Variants in FAM107B observed in about 807,000 individuals in gnomAD.
FAM107B encodes the protein family with sequence similarity 107 member B.
In FAM107B, 21 loss-of-function variants were observed where a neutral mutation model predicts 31.5. The ratio of observed to expected loss-of-function variants is 0.67; its 90% CI spans 0.47 to 0.96. The LOEUF is 0.96. Ranked by LOEUF, FAM107B falls within the 40% of genes least tolerant of loss-of-function variation. The probability of loss-of-function intolerance (pLI) is 0.00; values close to 1 mark genes in which losing one functional copy is unlikely to be tolerated. For synonymous variants in FAM107B, 157 were observed against 141.5 expected, an observed-to-expected ratio of 1.11 and a Z score of -0.78; for missense variants, 452 against 377.1, an observed-to-expected ratio of 1.20 and a Z score of -1.64.
intron 2 of FAM107B, among the ~76,000 whole-genome samples, chr10:14,651,430 A>AC (rs1182201900): frequency 6.6e-6 from 1 of 151,958 alleles, no homozygotes; most frequent in Non-Finnish European, 1.5e-5. Flanking sequence ...ACATGGAGAG[A>AC]CCCCGTCACT....
chr10:14,653,026 G>A (rs1245758365), intron 2 of FAM107B, among the ~76,000 whole-genome samples: 3 of 152,198 alleles, frequency 2.0e-5, no homozygotes, highest in Non-Finnish European at 4.4e-5. Flanking sequence ...AGGGTTGAGC[G>A]TCATAACTGG....
At chr10:14,728,675 G>T (rs898133717) in intron 1 of FAM107B, among the ~76,000 whole-genome samples, 4 of 152,102 alleles carry the variant, frequency 2.6e-5, no homozygotes, top group Non-Finnish European at 5.9e-5. Flanking sequence ...AGTCAGCTGT[G>T]GGGGGACACA....
intron 1 of FAM107B, among the ~76,000 whole-genome samples, chr10:14,713,587 G>T (rs2131541304): frequency 6.6e-6 from 1 of 152,316 alleles, no homozygotes; most frequent in South Asian, 2.1e-4. Flanking sequence ...AGTGTTAAGT[G>T]AATTGAGAGG....
chr10:14,527,184 CA>C (rs200742738), intron 3 of FAM107B, among the ~76,000 whole-genome samples: 761 of 123,942 alleles, frequency 6.1e-3, no homozygotes, highest in Middle Eastern at 0.016. Context: ...ATCTTTTAAC[CA>C]AAAAAAAAAA....
Position 14,579,018 on chromosome 10 carries a change from A to G in FAM107B, c.470-48503T>C, listed in dbSNP as rs76295947. On this transcript the variant is annotated intron_variant, in intron 2 of 4. Transcript: ENST00000181796. The stretch of plus-strand genomic sequence containing the variant: ...ATTATAACGAAGAGAAAAAAAAGCT[A>G]CACTCCTTTTCTATTAATATATACA... 7.3e-3 allele frequency among the ~76,000 whole-genome samples: 1,110 copies of G among 152,280 alleles called. 10 individuals are homozygous for G. Among genetic ancestry groups the G allele is most frequent in the African/African-American group, 0.025 (1,042 of 41,556 alleles).
chr10:14,728,597 T>A (rs1856091541), intron 1 of FAM107B, among the ~76,000 whole-genome samples: 1 of 152,146 alleles, frequency 6.6e-6, no homozygotes, highest in Non-Finnish European at 1.5e-5. Context: ...ATGAGAATAT[T>A]GGGTTGGGAG....
At chr10:14,674,282 A>G (rs1854627435) in intron 1 of FAM107B, among the ~76,000 whole-genome samples, 1 of 152,248 alleles carries the variant, frequency 6.6e-6, no homozygotes, top group Admixed American at 6.5e-5. Context: ...CCTGCACAGC[A>G]AAGGAAACAA....
rs758932546 is a variant in FAM107B, at chr10:14,774,338, G to A, written c.326C>T (p.Pro109Leu). Residue 109 changes from proline (P) to leucine (L), a missense_variant, in exon 1 of 5, where the codon CCC becomes CTC. Transcript: ENST00000181796. ...AQPAETPEDV[P>L]GSLDDGADCE... ...GTCCGCCCCATCATCCAGGGACCCGGGCACATCTTCAGGCGTCTCCGCGGG... is the reference window on the plus strand; with the variant it reads ...GTCCGCCCCATCATCCAGGGACCCGAGCACATCTTCAGGCGTCTCCGCGGG... The A allele has an allele frequency of 2.5e-6, 4 of 1,614,196 alleles. No homozygotes were observed. Among genetic ancestry groups the A allele is most frequent in the Non-Finnish European group, 2.5e-6 (3 of 1,180,036 alleles).
chr10:14,667,384 G>A (rs1297171627), intron 2 of FAM107B, among the ~76,000 whole-genome samples: 1 of 152,198 alleles, frequency 6.6e-6, no homozygotes, highest in African/African-American at 2.4e-5. Context: ...TTCTTTGCAA[G>A]TGTTTGTTCA....
chr10:14,737,625 A>G (rs1046827839), intron 1 of FAM107B, among the ~76,000 whole-genome samples: 14 of 151,872 alleles, frequency 9.2e-5, no homozygotes, highest in African/African-American at 3.4e-4. Context: ...AAAACAAACA[A>G]ACAAACAAAC....
chr10:14,565,239 G>A (rs184923097), intron 2 of FAM107B, among the ~76,000 whole-genome samples: 10 of 152,288 alleles, frequency 6.6e-5, no homozygotes, highest in East Asian at 5.8e-4. Flanking sequence ...GGGGAAGCAG[G>A]CATTCGACAA....
At chr10:14,771,592 T>C (rs1833304088) in intron 1 of FAM107B, among the ~76,000 whole-genome samples, 1 of 152,120 alleles carries the variant, frequency 6.6e-6, no homozygotes, top group South Asian at 2.1e-4. Flanking sequence ...AATATACAAC[T>C]GTGATATATC....
chr10:14,672,686 G>T (rs1854590514), intron 1 of FAM107B, among the ~76,000 whole-genome samples: 1 of 152,194 alleles, frequency 6.6e-6, no homozygotes, highest in African/African-American at 2.4e-5. Flanking sequence ...CATTGAAAGG[G>T]CATGTGAAAC....
chr10:14,681,773 T>G (rs1476834884), intron 1 of FAM107B, among the ~76,000 whole-genome samples: 1 of 152,192 alleles, frequency 6.6e-6, no homozygotes, highest in Non-Finnish European at 1.5e-5. Context: ...CAAGGGATGC[T>G]GGCCACAATG....
chr10:14,627,587 A>C (rs574052342), intron 2 of FAM107B, among the ~76,000 whole-genome samples: 2 of 152,326 alleles, frequency 1.3e-5, no homozygotes, highest in South Asian at 4.1e-4. Context: ...CAGCCTGGAC[A>C]ACATTAACGA....
chr10:14,622,442 G>C (rs984322591), intron 2 of FAM107B, among the ~76,000 whole-genome samples: 1 of 151,998 alleles, frequency 6.6e-6, no homozygotes, highest in Non-Finnish European at 1.5e-5. Context: ...GAGTAGCTGG[G>C]ACTACAGGTG....
At chr10:14,618,893 G>A (rs532791195) in intron 2 of FAM107B, among the ~76,000 whole-genome samples, 1 of 152,230 alleles carries the variant, frequency 6.6e-6, no homozygotes, top group Admixed American at 6.5e-5. Flanking sequence ...GGAGTACGGT[G>A]GCCCTTAATC....
chr10:14,712,626 A>AAAAGAAG lies in FAM107B; in HGVS notation c.412-44936_412-44935insCTTCTTT, dbSNP rs1554851690. Among the ~76,000 whole-genome samples the AAAAGAAG allele has an allele frequency of 4.8e-3, 709 of 146,930 alleles. 14 individuals are homozygous for AAAAGAAG. In the East Asian group the frequency reaches 0.05, roughly 10 times the overall value. ...TGACTCCCACCAAAAAACAAAAAAA[A>AAAAGAAG]AAGAAGAAGAAGTTGGGATAAATGA... is the stretch of plus-strand genomic sequence containing the variant. On this transcript the variant is annotated intron_variant, in intron 1 of 4. Coordinates refer to ENST00000181796, the MANE Select transcript of FAM107B (RefSeq NM_031453.4).
At chr10:14,632,894 T>C (rs1276213560) in intron 2 of FAM107B, among the ~76,000 whole-genome samples, 1 of 151,770 alleles carries the variant, frequency 6.6e-6, no homozygotes. Flanking sequence ...GAATGAGCAA[T>C]GATTTAAAAT....
Sources: gnomAD v4.1 joint callset for allele counts (sites outside exome capture counted in the v4.1 genomes callset) on GRCh38, gnomAD v4.1.1 for gene constraint, MANE v1.5 for transcripts, NCBI Gene and HGNC (gene_info 2026-07-23, HGNC 2026-07-21) for gene names.